LIM2: variants seen among roughly 807,000 people sequenced by gnomAD.
LIM2 encodes the protein lens fiber membrane intrinsic protein.
Under a neutral mutation model 19.0 loss-of-function variants are expected in LIM2, and 14 were observed. That is an observed-to-expected ratio of 0.74 (90% CI 0.49 to 1.15). The LOEUF (loss-of-function observed/expected upper bound fraction) is 1.15, where lower values mean the gene tolerates loss of function less well. Ranked by LOEUF, LIM2 falls within the 50% of genes most tolerant of loss-of-function variation. The pLI is 0.00. For missense variants in LIM2, 230 were observed against 243.5 expected (o/e 0.94, Z 0.37); for synonymous variants, 78 against 89.6 (o/e 0.87, Z 0.73).
rs954070199 is a variant in LIM2, at chr19:51,382,017, C to T, written c.325+401G>A. Among the ~76,000 whole-genome samples the T allele has an allele frequency of 7.9e-5, 12 of 152,296 alleles. No individual in the cohort carries two copies. The South Asian group carries it at 1.5e-3, about 18-fold the overall frequency. On this transcript the variant is annotated intron_variant, in intron 3 of 4. Transcript: ENST00000596399. ...TGCTGGAATTACGGGCGTGAGCCAT[C>T]GCACCCGGCCTCCAGCAAATTTTTG...
In LIM2 at chr19:51,387,365, G is replaced by C. The variant is rs756384580; in HGVS notation, c.79C>G (p.His27Asp). The change falls in exon 2 of 5, where the codon CAC becomes GAC. Residue 27 changes from histidine (H) to aspartate (D), a missense_variant. Transcript: ENST00000596399. Reference protein sequence around the residue: ...ILLVVAMATDHWMQYRLSGSF... With the variant: ...ILLVVAMATDDWMQYRLSGSF... ...CCTGACAGCCGGTACTGCATCCAGT[G>C]GTCTGTTGCCATGGCCACCACCAGG... The C allele has an allele frequency of 6.2e-7, 1 of 1,614,158 alleles. No individual in the cohort carries two copies. The highest frequency in any genetic ancestry group is 1.1e-5 in the South Asian group (1 of 91,074).
intron 2 of LIM2, among the ~76,000 whole-genome samples, chr19:51,386,312 C>T (rs1028291774): frequency 6.6e-6 from 1 of 150,640 alleles, no homozygotes; most frequent in African/African-American, 2.4e-5. Context: ...TTAGTAGAGA[C>T]CGGGTTTCAC....
At chr19:51,386,710 T>TA (rs11389106) in intron 2 of LIM2, among the ~76,000 whole-genome samples, 20,991 of 139,002 alleles carry the variant, frequency 0.15, 2,617 homozygotes, top group African/African-American at 0.41. Flanking sequence ...TACTGTATAT[T>TA]ATTGTCTATA....
rs753955239 is a variant in LIM2, at chr19:51,387,376, A to G, written c.68T>C (p.Met23Thr). 1 of 1,614,186 alleles carries G rather than the reference A, an allele frequency of 6.2e-7. No individual in the cohort carries two copies. The highest frequency in any genetic ancestry group is 8.5e-7 in the Non-Finnish European group (1 of 1,180,036). The change falls in exon 2 of 5, where the codon ATG (methionine) becomes ACG (threonine). Residue 23 changes from methionine to threonine, a missense_variant. Coordinates refer to ENST00000596399, the MANE Select transcript of LIM2 (RefSeq NM_001161748.2). ...GTACTGCATCCAGTGGTCTGTTGCC[A>G]TGGCCACCACCAGGAGGATGGTCCC... ...WVGTILLVVA[M>T]ATDHWMQYRL...
intron 1 of LIM2, 66 bp from the exon 2 acceptor site, chr19:51,387,515 G>A (rs1429286338): frequency 5.0e-6 from 8 of 1,604,440 alleles, no homozygotes; most frequent in Non-Finnish European, 6.8e-6. Context: ...GGAACTGGGG[G>A]GAGAGAGGGC....
chr19:51,381,387 T>G (rs35898329), intron 3 of LIM2, among the ~76,000 whole-genome samples: 1 of 151,994 alleles, frequency 6.6e-6, no homozygotes, highest in Non-Finnish European at 1.5e-5. Flanking sequence ...TCTGAACCAC[T>G]TGATATCAGG....
intron 3 of LIM2, among the ~76,000 whole-genome samples, chr19:51,382,030 C>T (rs1986907374): frequency 6.6e-6 from 1 of 152,164 alleles, no homozygotes; most frequent in Admixed American, 6.5e-5. Context: ...ACCCGGCCTC[C>T]AGCAAATTTT....
At position 51,382,429 on chromosome 19, in the gene LIM2, A is replaced by C; in HGVS notation, c.314T>G (p.Phe105Cys). 1.2e-6 allele frequency: 2 copies of C among 1,613,950 alleles called. No individual in the cohort carries two copies. The highest frequency in any genetic ancestry group is 1.7e-6 in the Non-Finnish European group (2 of 1,180,008). ...GTGGGCTTACTCACTTGAGGAAAAA[A>C]ACATGATGCCAGCAGAGAAGGGCCG... The part of the protein sequence containing the change: ...ISRPFSAGIM[F>C]FSSTLFVVLA... The change falls in exon 3 of 5, where the codon TTT (phenylalanine) becomes TGT (cysteine). Residue 105 changes from phenylalanine (F) to cysteine (C), a missense_variant. Transcript: ENST00000596399.
intron 3 of LIM2, among the ~76,000 whole-genome samples, chr19:51,381,449 G>C (rs1446895136): frequency 6.6e-6 from 1 of 152,184 alleles, no homozygotes; most frequent in Non-Finnish European, 1.5e-5. Context: ...GATTCAATCA[G>C]TCATGCCTAT....
chr19:51,385,245 A>G (rs1987004420), intron 2 of LIM2, among the ~76,000 whole-genome samples: 1 of 151,590 alleles, frequency 6.6e-6, no homozygotes, highest in Admixed American at 6.6e-5. Flanking sequence ...AATGAGGCCA[A>G]GTTCGGTGGC....
chr19:51,387,579 G>A, intron 1 of LIM2, 130 bp from the exon 2 acceptor site: 3 of 1,345,276 alleles, frequency 2.2e-6, no homozygotes, highest in South Asian at 1.3e-5. Flanking sequence ...CTAGACGCCT[G>A]GGTCCTGGGC....
At chr19:51,387,219 C>A (rs147625714) in intron 2 of LIM2, 50 bp downstream of exon 2, 2 of 1,614,094 alleles carry the variant, frequency 1.2e-6, no homozygotes, top group Non-Finnish European at 1.7e-6. Context: ...CCCCGAGGTC[C>A]GCCCTGCTCT....
At chr19:51,383,126 T>C (rs1038276326) in intron 2 of LIM2, among the ~76,000 whole-genome samples, 1 of 144,436 alleles carries the variant, frequency 6.9e-6, no homozygotes, top group Non-Finnish European at 1.5e-5. Context: ...CCTCCACCTC[T>C]GAGGTTCAAA....
intron 2 of LIM2, among the ~76,000 whole-genome samples, chr19:51,385,044 T>C (rs1415721855): frequency 6.6e-6 from 1 of 151,880 alleles, no homozygotes; most frequent in Non-Finnish European, 1.5e-5. Flanking sequence ...TTATTTTTTG[T>C]TGAGATGGGG....
At chr19:51,387,637 G>A (rs2123676978) in intron 1 of LIM2, among the ~76,000 whole-genome samples, 188 bp from the exon 2 acceptor site, 1 of 152,222 alleles carries the variant, frequency 6.6e-6, no homozygotes, top group East Asian at 1.9e-4. Flanking sequence ...GAGGAGGATG[G>A]TAGGGATCCT....
chr19:51,386,467 CTCT>C (rs1439244022), intron 2 of LIM2, among the ~76,000 whole-genome samples: 1 of 132,340 alleles, frequency 7.6e-6, no homozygotes, highest in Non-Finnish European at 1.5e-5. Flanking sequence ...ATATAATATA[CTCT>C]ACATTATTAA....
chr19:51,387,821 G>C, intron 1 of LIM2, 98 bp downstream of exon 1: 1 of 289,282 alleles, frequency 3.5e-6, no homozygotes, highest in South Asian at 4.0e-5. Context: ...TAGGGGCTAG[G>C]GGGTAGGACA....
chr19:51,386,404 G>A lies in LIM2; in HGVS notation c.175+865C>T, dbSNP rs576831669. Among the ~76,000 whole-genome samples, 315 of 150,162 alleles carry A rather than the reference G, an allele frequency of 2.1e-3. 1 individual carries two copies. The highest frequency in any genetic ancestry group is 7.1e-3 in the African/African-American group (291 of 41,088). On this transcript the variant is annotated intron_variant, in intron 2 of 4. Transcript: ENST00000596399. ...CTCCCGAAGTGCTGGGATTACAGAC[G>A]TGAGCCACCACGCCTGGCCAAATTT...
At chr19:51,380,764 T>G (rs1305129257) in intron 3 of LIM2, 125 bp from the exon 4 acceptor site, 57 of 769,846 alleles carry the variant, frequency 7.4e-5, no homozygotes, top group Middle Eastern at 3.3e-4. Flanking sequence ...GGGTTGGGGG[T>G]GGGGATAGGA....
Sources: allele counts gnomAD v4.1 joint callset (sites outside exome capture counted in the v4.1 genomes callset), GRCh38; gene constraint gnomAD v4.1.1; transcripts MANE v1.5; gene names NCBI Gene and HGNC (gene_info 2026-07-23, HGNC 2026-07-21).